PUM2: variants seen among roughly 807,000 people sequenced by gnomAD.
The protein encoded by PUM2 is pumilio RNA binding family member 2, also known as pumilio homolog 2.
Under a neutral mutation model 124.5 loss-of-function variants are expected in PUM2, and 57 were observed. That is an observed-to-expected ratio of 0.46 (90% CI 0.37 to 0.57). The LOEUF is 0.57. PUM2 is among the 20% of genes least tolerant of loss of function. PUM2 has a pLI of 0.00. For missense variants in PUM2, 1,065 were observed against 1,290.6 expected (o/e 0.83, Z 2.68); for synonymous variants, 460 against 446.1 (o/e 1.03, Z -0.39).
intron 13 of PUM2, among the ~76,000 whole-genome samples, chr2:20,277,314 G>A (rs1226807600): frequency 6.6e-6 from 1 of 152,110 alleles, no homozygotes; most frequent in Non-Finnish European, 1.5e-5. Flanking sequence ...CAGGAGCTGA[G>A]CAGCTCCTGC....
intron 8 of PUM2, among the ~76,000 whole-genome samples, chr2:20,295,533 A>C (rs997380421): frequency 2.4e-4 from 36 of 152,162 alleles, no homozygotes; most frequent in African/African-American, 8.2e-4. Context: ...GAGTTTACCA[A>C]AAAAAGGGTA....
In PUM2 at chr2:20,263,400, T is replaced by C. The variant is rs764373989; in HGVS notation, c.2018A>G (p.Tyr673Cys). 1.2e-5 allele frequency: 20 copies of C among 1,613,984 alleles called. No individual in the cohort carries two copies. In the Admixed American group the frequency reaches 1.5e-4, roughly 12 times the overall value. ...ISAAPGAEAKYRSASSTSSLF... is the reference protein window; with the variant it reads ...ISAAPGAEAKCRSASSTSSLF... ...ACTGGAAGTGCTTGAAGCACTTCGA[T>C]ATTTTGCTTCTGCTCCAGGTGCTGC... The change falls in exon 14 of 21, where the codon TAT becomes TGT. Residue 673 changes from tyrosine (Y) to cysteine (C), a missense_variant. Around this residue, in one of 3 missense-constraint regions of PUM2, gnomAD observed 968 missense variants for 1,159.8 expected, o/e 0.83. Transcript: ENST00000361078.
chr2:20,310,952 CTT>C (rs979628594), intron 5 of PUM2, among the ~76,000 whole-genome samples: 2 of 152,032 alleles, frequency 1.3e-5, no homozygotes, highest in African/African-American at 4.8e-5. Context: ...TTAAAGCTAA[CTT>C]TTAGAAGTCT....
At chr2:20,294,768 C>A (rs1339143713) in intron 8 of PUM2, among the ~76,000 whole-genome samples, 1 of 152,192 alleles carries the variant, frequency 6.6e-6, no homozygotes, top group African/African-American at 2.4e-5. Context: ...ATCTATTCAA[C>A]ATTTAATGAA....
In PUM2 at chr2:20,294,289, G is replaced by GT. The variant is rs1674959056; in HGVS notation, c.1152+86dup. On this transcript the variant is annotated intron_variant, in intron 9 of 20. Coordinates refer to ENST00000361078, the MANE Select transcript of PUM2 (RefSeq NM_015317.5). ...GAGTCGTGTTACACAGTGAGGAAACGTAAGTCGAAAAACACAAATCTTAAA... is the reference window on the plus strand; with the variant it reads ...GAGTCGTGTTACACAGTGAGGAAACGTTAAGTCGAAAAACACAAATCTTAAA... 4.1e-6 allele frequency: 6 copies of GT among 1,472,204 alleles called. No homozygotes were observed. The Admixed American group carries it at 5.8e-5, about 14-fold the overall frequency. The allele number at this position is 1,472,204 out of a possible 1,614,324, so 91.2% of individuals were successfully genotyped here.
At position 20,278,619 on chromosome 2, in the gene PUM2, G is replaced by T; in HGVS notation, c.1921C>A (p.Leu641Ile). The T allele has an allele frequency of 6.2e-7, 1 of 1,613,232 alleles. No individual in the cohort carries two copies. The change falls in exon 13 of 21, where the codon CTT (leucine) becomes ATT (isoleucine). Residue 641 changes from leucine (L) to isoleucine (I), a missense_variant. Coordinates refer to ENST00000361078, the MANE Select transcript of PUM2 (RefSeq NM_015317.5). ...CTGGATGAGGATCCATGTGATGAAA[G>T]TGATGGCGGTGGCGTAAGTGAATGT... is the stretch of plus-strand genomic sequence containing the variant. ...PGHSLTPPPS[L>I]SSHGSSSSLH... is the part of the protein sequence containing the mutation.
At position 20,254,993 on chromosome 2, in the gene PUM2, G is replaced by C; in HGVS notation, c.2749-9C>G. 1.2e-6 allele frequency: 2 copies of C among 1,602,308 alleles called. No homozygotes were observed. Among genetic ancestry groups the C allele is most frequent in the South Asian group, 2.3e-5 (2 of 88,254 alleles). On this transcript the variant is annotated splice_polypyrimidine_tract_variant and intron_variant, in intron 18 of 20. Transcript: ENST00000361078. ...TAATTGCCATACTGATCCTAAGACA[G>C]ATATTTAAAAATTACTTTCCCTAAG...
intron 13 of PUM2, among the ~76,000 whole-genome samples, chr2:20,270,977 G>A (rs1037834446): frequency 6.6e-6 from 1 of 151,974 alleles, no homozygotes; most frequent in African/African-American, 2.4e-5. Flanking sequence ...TGTTTCTACA[G>A]AATAAGATTA....
chr2:20,299,560 C>T (rs540001120), intron 7 of PUM2, among the ~76,000 whole-genome samples: 2 of 152,108 alleles, frequency 1.3e-5, no homozygotes, highest in Non-Finnish European at 1.5e-5. Flanking sequence ...CCCAGCTACT[C>T]GGGAGGCTGA....
At chr2:20,274,533 T>C (rs62123444) in intron 13 of PUM2, among the ~76,000 whole-genome samples, 5,278 of 152,204 alleles carry the variant, frequency 0.035, 90 homozygotes, top group Middle Eastern at 0.068. Flanking sequence ...TTAGGAAATT[T>C]TATAATCCAC....
chr2:20,337,559 T>C (rs1686383463), intron 1 of PUM2, among the ~76,000 whole-genome samples: 1 of 152,188 alleles, frequency 6.6e-6, no homozygotes, highest in Non-Finnish European at 1.5e-5. Context: ...TAAAGTTTAA[T>C]AAAATACATA....
intron 7 of PUM2, among the ~76,000 whole-genome samples, chr2:20,300,179 C>T (rs1024565287): frequency 2.0e-5 from 3 of 150,088 alleles, no homozygotes; most frequent in South Asian, 2.1e-4. Flanking sequence ...GACAGAGTTT[C>T]GCTCTTGTTG....
chr2:20,344,104 G>A (rs973835435), intron 1 of PUM2, among the ~76,000 whole-genome samples: 1 of 152,112 alleles, frequency 6.6e-6, no homozygotes, highest in Non-Finnish European at 1.5e-5. Context: ...GCCTCACTCT[G>A]TTGCCCATGC....
chr2:20,315,849 A>AC lies in PUM2; in HGVS notation c.160+2687_160+2688insG, dbSNP rs1558628492. 3.3e-5 allele frequency among the ~76,000 whole-genome samples: 5 copies of AC among 151,294 alleles called. 1 individual carries two copies. Among genetic ancestry groups the AC allele is most frequent in the African/African-American group, 9.7e-5 (4 of 41,232 alleles). Reference sequence around the variant, plus strand: ...ATAACCTGGTCTCAAAAAAAAAAAAAAAAAAAAAACAAACCAAAAAACAAA... The same window carrying AC: ...ATAACCTGGTCTCAAAAAAAAAAAAACAAAAAAAAACAAACCAAAAAACAAA... On this transcript the variant is annotated intron_variant, in intron 3 of 20. Transcript: ENST00000361078.
chr2:20,290,777 C>G lies in PUM2; in HGVS notation c.1166G>C (p.Gly389Ala), dbSNP rs1282599736. ...QPGQQQVLRAGAGQRPLTPNQ... is the reference protein window; with the variant it reads ...QPGQQQVLRAAAGQRPLTPNQ... The stretch of plus-strand genomic sequence containing the variant: ...GGGAGTAAGAGGACGCTGACCTGCT[C>G]CAGCACGGAGAACCTACAAAGGTAA... Residue 389 changes from glycine to alanine, a missense_variant, in exon 10 of 21, where the codon GGA (glycine) becomes GCA (alanine). By Grantham distance (60) the Gly-to-Ala change is moderately conservative (BLOSUM62 0). Transcript: ENST00000361078. The G allele has an allele frequency of 4.4e-6, 7 of 1,596,490 alleles. No homozygotes were observed. Among genetic ancestry groups the G allele is most frequent in the Non-Finnish European group, 6.0e-6 (7 of 1,174,348 alleles).
In PUM2 at chr2:20,299,362, T is replaced by C. The variant is rs377427283; in HGVS notation, c.884-1684A>G. On this transcript the variant is annotated intron_variant, in intron 7 of 20. Transcript: ENST00000361078. ...AGTCTGTGTTGTCATGGCATGAGAG[T>C]AGAGGAAAAACAAGGTTTTAGGCCA... Among the ~76,000 whole-genome samples the C allele has an allele frequency of 3.3e-5, 5 of 151,640 alleles. No individual in the cohort carries two copies. The East Asian group carries it at 9.7e-4, about 30-fold the overall frequency.
chr2:20,343,132 G>T (rs1453239515), intron 1 of PUM2, among the ~76,000 whole-genome samples: 1 of 133,510 alleles, frequency 7.5e-6, no homozygotes, highest in Non-Finnish European at 1.6e-5. Flanking sequence ...AAGAGTCTGT[G>T]TTTAAAAAAA....
intron 13 of PUM2, among the ~76,000 whole-genome samples, chr2:20,274,435 T>G (rs1393046476): frequency 6.6e-6 from 1 of 152,182 alleles, no homozygotes; most frequent in Admixed American, 6.5e-5. Flanking sequence ...AGACTAAGTC[T>G]GCCAAAGGCC....
intron 1 of PUM2, among the ~76,000 whole-genome samples, chr2:20,336,748 CTGTGTGTGTGTGTG>C (rs70939037): frequency 0.2 from 19,919 of 97,306 alleles, 2,045 homozygotes; most frequent in Non-Finnish European, 0.23. Flanking sequence ...CCAGGCTGAT[CTGTGTGTGTGTGTG>C]TGTGTGTGTG....
Sources: allele counts gnomAD v4.1 joint callset (sites outside exome capture counted in the v4.1 genomes callset), GRCh38; gene constraint gnomAD v4.1.1; regional missense constraint gnomAD v4.1.1; transcripts MANE v1.5; gene names NCBI Gene and HGNC (gene_info 2026-07-23, HGNC 2026-07-21).